Variants in NCKAP5 observed in about 807,000 individuals in gnomAD.
NCKAP5 encodes the protein nck-associated protein 5.
Under a neutral mutation model 167.0 loss-of-function variants are expected in NCKAP5, and 92 were observed. The ratio of observed to expected loss-of-function variants is 0.55; its 90% confidence interval spans 0.47 to 0.66. NCKAP5 has a LOEUF of 0.66. NCKAP5 is among the 30% of genes least tolerant of loss of function. NCKAP5 has a pLI of 0.00. For missense variants in NCKAP5, 2,378 were observed against 2,315.0 expected (o/e 1.03, Z -0.56); for synonymous variants, 891 against 877.4 (o/e 1.02, Z -0.27).
chr2:133,479,645 T>C (rs1448584609), intron 3 of NCKAP5, among the ~76,000 whole-genome samples: 4 of 152,168 alleles, frequency 2.6e-5, no homozygotes, highest in African/African-American at 9.7e-5. Context: ...TCAACAAAAA[T>C]AGAACAAAAC....
At chr2:133,247,172 T>C (rs2088043130) in intron 4 of NCKAP5, among the ~76,000 whole-genome samples, 1 of 152,182 alleles carries the variant, frequency 6.6e-6, no homozygotes, top group Non-Finnish European at 1.5e-5. Context: ...AAGAATCAAA[T>C]AACTGGCAAT....
chr2:133,129,326 A>C (rs2082515772), intron 6 of NCKAP5, among the ~76,000 whole-genome samples: 1 of 151,262 alleles, frequency 6.6e-6, no homozygotes, highest in Non-Finnish European at 1.5e-5. Context: ...ATTCCCACCT[A>C]TGAGTGAGAA....
rs1316903790 is a variant in NCKAP5, at chr2:133,547,782, G to A, written c.-62+11268C>T. Among the ~76,000 whole-genome samples the A allele has an allele frequency of 4.0e-5, 6 of 148,992 alleles. No homozygotes were observed. The South Asian group carries it at 1.1e-3, about 27-fold the overall frequency. On this transcript the variant is annotated intron_variant, in intron 2 of 19. Coordinates refer to ENST00000409261, the MANE Select transcript of NCKAP5 (RefSeq NM_207363.3). ...ATAAAACCACAAAGATGGGGAAAAAGCAGAACAGAAAAACTGGAAACTCTA... is the reference window on the plus strand; with the variant it reads ...ATAAAACCACAAAGATGGGGAAAAAACAGAACAGAAAAACTGGAAACTCTA...
In NCKAP5 at chr2:132,888,092, C is replaced by A. The variant is rs143289547; in HGVS notation, c.580-9176G>T. 4.3e-4 allele frequency among the ~76,000 whole-genome samples: 66 copies of A among 152,260 alleles called. 1 individual carries two copies. Among genetic ancestry groups the A allele is most frequent in the African/African-American group, 1.3e-3 (55 of 41,550 alleles). ...TAAGCCCTTTGAGACAGGGATCATG[C>A]TTTATACGCCTCTTTTCAAAGGAGT... is the stretch of plus-strand genomic sequence containing the variant. On this transcript the variant is annotated intron_variant, in intron 8 of 19. Transcript: ENST00000409261.
At chr2:132,921,700 T>C (rs1487501358) in intron 8 of NCKAP5, among the ~76,000 whole-genome samples, 3 of 152,162 alleles carry the variant, frequency 2.0e-5, no homozygotes, top group African/African-American at 7.2e-5. Context: ...TGGGCCAACA[T>C]CAATTACCTA....
At chr2:133,460,241 T>C (rs1362119209) in intron 3 of NCKAP5, among the ~76,000 whole-genome samples, 1 of 152,160 alleles carries the variant, frequency 6.6e-6, no homozygotes, top group African/African-American at 2.4e-5. Context: ...AAATTCTAAA[T>C]TGCTCACTTA....
At chr2:133,252,199 T>C (rs1010769934) in intron 4 of NCKAP5, among the ~76,000 whole-genome samples, 2 of 152,084 alleles carry the variant, frequency 1.3e-5, no homozygotes, top group African/African-American at 4.8e-5. Context: ...AACAGAAGCT[T>C]GGTTTTCAGA....
rs1683890012 is a variant in NCKAP5 at position 132,672,635 on chromosome 2, T to C, written c.*654A>G. On this transcript the variant is annotated 3_prime_UTR_variant, in exon 20 of 20. Coordinates refer to ENST00000409261, the MANE Select transcript of NCKAP5 (RefSeq NM_207363.3). ...ACTTCAGTTGGGATTTTAAAAAATATATATTATCATCAACTTCTAAGACTT... is the reference window on the plus strand; with the variant it reads ...ACTTCAGTTGGGATTTTAAAAAATACATATTATCATCAACTTCTAAGACTT... 1 of 152,622 alleles carries C rather than the reference T, an allele frequency of 6.6e-6. No individual in the cohort carries two copies. The highest frequency in any genetic ancestry group is 6.5e-5 in the Admixed American group (1 of 15,282). The allele number at this position is 152,622 out of a possible 1,614,324, so 9.5% of individuals were successfully genotyped here. A position where few individuals can be genotyped will look rare whatever the true frequency, so the allele number is the denominator to read the frequency against.
chr2:133,354,298 T>C (rs994163131), intron 3 of NCKAP5, among the ~76,000 whole-genome samples: 3 of 151,730 alleles, frequency 2.0e-5, no homozygotes, highest in African/African-American at 7.3e-5. Flanking sequence ...TCTTTCCTTT[T>C]TTTTTTTGAG....
intron 19 of NCKAP5, among the ~76,000 whole-genome samples, chr2:132,691,607 A>C (rs1341289146): frequency 1.3e-5 from 2 of 152,212 alleles, no homozygotes; most frequent in Non-Finnish European, 2.9e-5. Context: ...TTGGACAAGC[A>C]CCGCCATTTT....
At chr2:133,509,111 T>A (rs1177252347) in intron 3 of NCKAP5, among the ~76,000 whole-genome samples, 2 of 152,206 alleles carry the variant, frequency 1.3e-5, no homozygotes, top group South Asian at 2.1e-4. Context: ...CATGGGCAGA[T>A]GCTATGGTCA....
At chr2:133,627,976 A>G in the NCKAP5 span, among the ~76,000 whole-genome samples, 1 of 152,124 alleles carries the variant, frequency 6.6e-6, no homozygotes, top group Non-Finnish European at 1.5e-5. Flanking sequence ...GCAGAGACTT[A>G]AAAAGTACTT....
At chr2:133,110,370 A>T in intron 6 of NCKAP5, among the ~76,000 whole-genome samples, 1 of 152,204 alleles carries the variant, frequency 6.6e-6, no homozygotes, top group South Asian at 2.1e-4. Context: ...CAGAAAGGAC[A>T]CTGGCCTGAG....
At chr2:133,038,932 C>T (rs1326324503) in intron 6 of NCKAP5, among the ~76,000 whole-genome samples, 1 of 152,142 alleles carries the variant, frequency 6.6e-6, no homozygotes, top group African/African-American at 2.4e-5. Context: ...GGGAAGATAG[C>T]AGAGACTGCA....
At chr2:133,376,718 G>T (rs1686171709) in intron 3 of NCKAP5, among the ~76,000 whole-genome samples, 1 of 152,166 alleles carries the variant, frequency 6.6e-6, no homozygotes, top group African/African-American at 2.4e-5. Flanking sequence ...TGGGCCCTAT[G>T]TGCCTTTCCA....
intron 3 of NCKAP5, among the ~76,000 whole-genome samples, chr2:133,509,077 A>G (rs1683266817): frequency 6.6e-6 from 1 of 152,220 alleles, no homozygotes; most frequent in South Asian, 2.1e-4. Context: ...CTCCTGCTCC[A>G]TGACTCCAGC....
At chr2:132,936,670 T>C (rs1413567070) in intron 8 of NCKAP5, among the ~76,000 whole-genome samples, 3 of 152,334 alleles carry the variant, frequency 2.0e-5, no homozygotes, top group East Asian at 3.9e-4. Flanking sequence ...TATCTGAGTA[T>C]TGAAAATTTA....
chr2:133,613,964 C>G, the NCKAP5 span, among the ~76,000 whole-genome samples: 1 of 152,274 alleles, frequency 6.6e-6, no homozygotes, highest in East Asian at 1.9e-4. Flanking sequence ...TCTTCTGGGG[C>G]ATTTGCAGGG....
At chr2:133,042,061 G>A (rs753219314) in intron 6 of NCKAP5, among the ~76,000 whole-genome samples, 2 of 152,014 alleles carry the variant, frequency 1.3e-5, no homozygotes, top group Non-Finnish European at 2.9e-5. Flanking sequence ...TTGATGATTT[G>A]ATTAATCATC....
Sources: allele counts gnomAD v4.1 joint callset (sites outside exome capture counted in the v4.1 genomes callset), GRCh38; gene constraint gnomAD v4.1.1; transcripts MANE v1.5; gene names NCBI Gene and HGNC (gene_info 2026-07-23, HGNC 2026-07-21).